Variants in SRD5A1 observed in about 807,000 individuals in gnomAD.
SRD5A1 encodes 3-oxo-5-alpha-steroid 4-dehydrogenase 1.
Under a neutral mutation model 28.2 loss-of-function variants are expected in SRD5A1, and 22 were observed. The observed-to-expected ratio is 0.78, with a 90% CI of 0.56 to 1.12. The LOEUF is 1.12. Among genes scored for constraint, SRD5A1 ranks in the 50% most tolerant of loss-of-function variants. The pLI, the probability that SRD5A1 is intolerant of heterozygous loss-of-function variation, is 0.00. For synonymous variants in SRD5A1, 151 were observed against 135.0 expected (o/e 1.12, Z -0.82); for missense variants, 300 against 346.7 (o/e 0.87, Z 1.07).
In SRD5A1 at chr5:6,633,882, GC is replaced by G; in HGVS notation, c.293+18del. 6.3e-7 allele frequency: 1 copy of G among 1,596,136 alleles called. No individual in the cohort carries two copies. The highest frequency in any genetic ancestry group is 8.5e-7 in the Non-Finnish European group (1 of 1,178,844). ...ACTACGGGCATCGGTAACGTCCCCGGCCCCCGGCCCCCTACCCTACTCCCGG... is the reference window on the plus strand; with the variant it reads ...ACTACGGGCATCGGTAACGTCCCCGGCCCCGGCCCCCTACCCTACTCCCGG... On this transcript the variant is annotated intron_variant, in intron 1 of 4. Transcript: ENST00000274192.
At chr5:6,635,630 G>T (rs970323173) in intron 1 of SRD5A1, among the ~76,000 whole-genome samples, 1 of 152,222 alleles carries the variant, frequency 6.6e-6, no homozygotes, top group African/African-American at 2.4e-5. Context: ...GCATCTGCGT[G>T]CTCAGTACAC....
At chr5:6,643,045 T>G (rs1738410997) in intron 1 of SRD5A1, among the ~76,000 whole-genome samples, 1 of 151,928 alleles carries the variant, frequency 6.6e-6, no homozygotes, top group Non-Finnish European at 1.5e-5. Flanking sequence ...GTTTTTTTTT[T>G]GTCCCATACA....
chr5:6,644,946 T>C (rs1283375140), intron 1 of SRD5A1: 1 of 456,028 alleles, frequency 2.2e-6, no homozygotes. Flanking sequence ...TATTCATTGC[T>C]TGGCAACACT....
intron 1 of SRD5A1, among the ~76,000 whole-genome samples, chr5:6,643,035 GT>G (rs35377021): frequency 1.3e-4 from 20 of 149,716 alleles, no homozygotes; most frequent in Non-Finnish European, 2.2e-4. Context: ...TTTGTAATTT[GT>G]TTTTTTTTTG....
intron 1 of SRD5A1, 57 bp downstream of exon 1, chr5:6,633,926 C>T: frequency 6.4e-7 from 1 of 1,570,508 alleles, no homozygotes; most frequent in Admixed American, 1.7e-5. Flanking sequence ...TCCTCTCCGA[C>T]CCTCCCCTCA....
intron 2 of SRD5A1, 110 bp downstream of exon 2, chr5:6,652,118 C>A (rs527887169): frequency 1.8e-5 from 23 of 1,271,752 alleles, no homozygotes; most frequent in Non-Finnish European, 2.3e-5. Flanking sequence ...ACAAAGACAA[C>A]AGAGAAAGCA....
intron 1 of SRD5A1, among the ~76,000 whole-genome samples, chr5:6,639,148 G>A (rs1204319256): frequency 6.6e-6 from 1 of 152,170 alleles, no homozygotes; most frequent in East Asian, 1.9e-4. Context: ...AGTTTGTTGG[G>A]AAAATATTTC....
At position 6,672,301 on chromosome 5, in the gene SRD5A1, A is replaced by T. The variant is rs1739384201; in HGVS notation, c.*4033A>T. 1 of 152,144 alleles carries T rather than the reference A, an allele frequency of 6.6e-6. No homozygotes were observed. The highest frequency in any genetic ancestry group is 1.5e-5 in the Non-Finnish European group (1 of 68,166). 9.4% of individuals were successfully genotyped at this position (152,144 alleles called of 1,614,324 possible). The stretch of plus-strand genomic sequence containing the variant: ...TTTGTTTTGTTTTGTTTTGAGACGG[A>T]GTCTTGCTCTGTCACCCAGGCTGGA... On this transcript the variant is annotated 3_prime_UTR_variant, in exon 5 of 5. Transcript: ENST00000274192.
chr5:6,637,876 C>T (rs936965696), intron 1 of SRD5A1, among the ~76,000 whole-genome samples: 1 of 152,222 alleles, frequency 6.6e-6, no homozygotes, highest in African/African-American at 2.4e-5. Context: ...TGCCTCAAAA[C>T]ATTGCACCTA....
chr5:6,668,111 CT>C (rs1739241718), intron 4 of SRD5A1, 90 bp from the exon 5 acceptor site: 1 of 832,994 alleles, frequency 1.2e-6, no homozygotes, highest in South Asian at 2.1e-5. Context: ...ACTGAGTACT[CT>C]TTTGTAATGA....
rs138473432 is a variant in SRD5A1, at chr5:6,658,169, A to C, written c.562+1990A>C. ...GTAAAACCCCATCCCTACTAAAAAC[A>C]CAAAAATTAGCTGGGCGTGGTGGCA... On this transcript the variant is annotated intron_variant, in intron 3 of 4. Transcript: ENST00000274192. Among the ~76,000 whole-genome samples the C allele has an allele frequency of 5.7e-3, 863 of 152,130 alleles. 7 individuals are homozygous for C. Among genetic ancestry groups the C allele is most frequent in the Non-Finnish European group, 0.01 (689 of 67,994 alleles).
At chr5:6,657,206 T>C (rs1253744788) in intron 3 of SRD5A1, among the ~76,000 whole-genome samples, 1 of 152,216 alleles carries the variant, frequency 6.6e-6, no homozygotes, top group African/African-American at 2.4e-5. Context: ...ACTTAAACTG[T>C]GACCCTGAGA....
At chr5:6,647,568 T>C (rs755555373) in intron 1 of SRD5A1, among the ~76,000 whole-genome samples, 1 of 152,212 alleles carries the variant, frequency 6.6e-6, no homozygotes, top group African/African-American at 2.4e-5. Flanking sequence ...TTAAAATCTG[T>C]TTTCTCAGAG....
At chr5:6,663,559 C>A (rs1739073824) in intron 4 of SRD5A1, among the ~76,000 whole-genome samples, 1 of 152,124 alleles carries the variant, frequency 6.6e-6, no homozygotes. Flanking sequence ...GACCAACACA[C>A]TCATAAAGAA....
intron 1 of SRD5A1, among the ~76,000 whole-genome samples, chr5:6,637,331 G>T (rs1051768312): frequency 1.3e-5 from 2 of 152,072 alleles, no homozygotes; most frequent in Non-Finnish European, 2.9e-5. Context: ...CCCTGGGCTG[G>T]TGCTGTAACC....
At position 6,635,923 on chromosome 5, in the gene SRD5A1, G is replaced by A. The variant is rs187459268; in HGVS notation, c.293+2054G>A. Reference sequence around the variant, plus strand: ...AGAACTTGAACAGCTCATTCATACAGAGTAGAACACGGAGGCACAGCATGC... The same window carrying A: ...AGAACTTGAACAGCTCATTCATACAAAGTAGAACACGGAGGCACAGCATGC... On this transcript the variant is annotated intron_variant, in intron 1 of 4. Transcript: ENST00000274192. Among the ~76,000 whole-genome samples, 77 of 152,328 alleles carry A rather than the reference G, an allele frequency of 5.1e-4. No homozygotes were observed. The East Asian group carries it at 0.011, about 23-fold the overall frequency.
intron 1 of SRD5A1, among the ~76,000 whole-genome samples, chr5:6,648,864 A>C (rs1738584306): frequency 6.6e-6 from 1 of 152,144 alleles, no homozygotes. Context: ...TTGAATTTTC[A>C]GCCTTTTTGC....
intron 3 of SRD5A1, among the ~76,000 whole-genome samples, chr5:6,658,919 C>T (rs973104658): frequency 6.6e-6 from 1 of 151,770 alleles, no homozygotes; most frequent in Admixed American, 6.6e-5. Context: ...CGAGACCAGC[C>T]TAGGCAACAT....
intron 4 of SRD5A1, among the ~76,000 whole-genome samples, chr5:6,667,586 T>C (rs1739223680): frequency 6.6e-6 from 1 of 152,246 alleles, no homozygotes; most frequent in South Asian, 2.1e-4. Flanking sequence ...CTTTCCCAAC[T>C]GGCTATTATC....
Sources: allele counts gnomAD v4.1 joint callset (sites outside exome capture counted in the v4.1 genomes callset), GRCh38; gene constraint gnomAD v4.1.1; transcripts MANE v1.5; gene names NCBI Gene and HGNC (gene_info 2026-07-23, HGNC 2026-07-21).